FER: variants seen among roughly 807,000 people sequenced by gnomAD.
The protein encoded by FER is FER tyrosine kinase.
FER carries 63 observed loss-of-function variants against 111.0 expected under a neutral mutation model. The observed-to-expected ratio is 0.57, with a 90% CI of 0.46 to 0.70. The LOEUF is 0.70. Ranked by LOEUF, FER falls within the 30% of genes least tolerant of loss-of-function variation. The pLI is 0.00. For missense variants in FER, 914 were observed against 954.0 expected, an observed-to-expected ratio of 0.96 and a Z score of 0.55; for synonymous variants, 327 against 313.9, an observed-to-expected ratio of 1.04 and a Z score of -0.44.
At chr5:108,881,245 A>T (rs1005007387) in intron 8 of FER, among the ~76,000 whole-genome samples, 1 of 152,158 alleles carries the variant, frequency 6.6e-6, no homozygotes, top group African/African-American at 2.4e-5. Flanking sequence ...AAGACAAAGA[A>T]GTTTAATGGA....
At position 108,959,085 on chromosome 5, in the gene FER, G is replaced by T. The variant is rs138601564; in HGVS notation, c.1534-140G>T. ...TTTATCATCTTAACCATTTTTAAGGGTATAGTTCAGTAGTGTTAAGTATAT... is the reference window on the plus strand; with the variant it reads ...TTTATCATCTTAACCATTTTTAAGGTTATAGTTCAGTAGTGTTAAGTATAT... On this transcript the variant is annotated intron_variant, in intron 12 of 19. Coordinates refer to ENST00000281092, the MANE Select transcript of FER (RefSeq NM_005246.4). The T allele has an allele frequency of 2.6e-3, 1,498 of 585,776 alleles. 17 individuals carry two copies. The African/African-American group carries it at 0.028, about 11-fold the overall frequency. 36.3% of individuals were successfully genotyped at this position (585,776 alleles called of 1,614,324 possible).
At chr5:108,919,227 A>G (rs552435091) in intron 10 of FER, among the ~76,000 whole-genome samples, 1 of 148,566 alleles carries the variant, frequency 6.7e-6, no homozygotes, top group East Asian at 2.0e-4. Context: ...TTTTTTTTTT[A>G]AATCAGAGTT....
At chr5:108,976,656 G>A (rs1229062826) in intron 13 of FER, among the ~76,000 whole-genome samples, 1 of 152,112 alleles carries the variant, frequency 6.6e-6, no homozygotes, top group Admixed American at 6.5e-5. Flanking sequence ...TATTTTGTAT[G>A]CTATATGTCT....
intron 9 of FER, 102 bp from the exon 10 acceptor site, chr5:108,897,557 T>A: frequency 2.4e-6 from 2 of 825,184 alleles, no homozygotes; most frequent in Non-Finnish European, 3.5e-6. Flanking sequence ...TCTAAAGGGC[T>A]CTTATAAAAA....
chr5:108,833,746 C>T (rs2113000), intron 4 of FER, among the ~76,000 whole-genome samples: 1,722 of 151,802 alleles, frequency 0.011, 21 homozygotes, highest in Non-Finnish European at 0.018. Flanking sequence ...TACTGGCGGG[C>T]GCCTGTAGTC....
At chr5:108,802,129 G>A (rs985422280) in intron 3 of FER, among the ~76,000 whole-genome samples, 1 of 151,900 alleles carries the variant, frequency 6.6e-6, no homozygotes, top group African/African-American at 2.4e-5. Context: ...CAGATTAAGG[G>A]GTACTACTGA....
intron 5 of FER, among the ~76,000 whole-genome samples, chr5:108,850,496 G>A (rs530945324): frequency 9.3e-4 from 141 of 152,020 alleles, no homozygotes; most frequent in African/African-American, 2.8e-3. Flanking sequence ...GTAATTTGTC[G>A]TTGTGCTTGA....
intron 10 of FER, among the ~76,000 whole-genome samples, chr5:108,921,775 G>A (rs1316448673): frequency 6.6e-6 from 1 of 152,084 alleles, no homozygotes; most frequent in Admixed American, 6.5e-5. Flanking sequence ...CCAACAACAG[G>A]TTTAAAATCA....
chr5:109,127,205 T>C (rs367717704), intron 17 of FER, among the ~76,000 whole-genome samples: 1 of 152,214 alleles, frequency 6.6e-6, no homozygotes, highest in African/African-American at 2.4e-5. Context: ...TATATCTGTA[T>C]TGAATACCAA....
At chr5:108,917,367 A>G (rs2149542292) in intron 10 of FER, among the ~76,000 whole-genome samples, 1 of 152,300 alleles carries the variant, frequency 6.6e-6, no homozygotes, top group South Asian at 2.1e-4. Flanking sequence ...ATAATTTGGT[A>G]TATGGGGAGT....
intron 16 of FER, among the ~76,000 whole-genome samples, chr5:109,069,957 G>A (rs1476856303): frequency 6.6e-6 from 1 of 152,028 alleles, no homozygotes; most frequent in Non-Finnish European, 1.5e-5. Context: ...CCACACATAA[G>A]CTTAGACTAT....
chr5:108,900,543 T>C lies in FER; in HGVS notation c.1236+2695T>C, dbSNP rs1749858057. Among the ~76,000 whole-genome samples, 3 of 152,202 alleles carry C rather than the reference T, an allele frequency of 2.0e-5. No homozygotes were observed. The South Asian group carries it at 6.2e-4, about 32-fold the overall frequency. ...TTTCAATAAGAGACTTATTTGAATA[T>C]TGGAAGAATTGGAAGAACTCAAAAT... On this transcript the variant is annotated intron_variant, in intron 10 of 19. Coordinates refer to ENST00000281092, the MANE Select transcript of FER (RefSeq NM_005246.4).
In FER at chr5:109,051,446, C is replaced by T. The variant is rs1465493458; in HGVS notation, c.1924+4248C>T. On this transcript the variant is annotated intron_variant, in intron 16 of 19. Coordinates refer to ENST00000281092, the MANE Select transcript of FER (RefSeq NM_005246.4). ...AGTTTTTTAGAATTCTGGTTATCAT[C>T]GGGGAAATCAAAAGGCTGTGCGTGG... 1.9e-5 allele frequency: 31 copies of T among 1,612,948 alleles called. 1 individual carries two copies. Among genetic ancestry groups the T allele is most frequent in the Middle Eastern group, 1.6e-4 (1 of 6,076 alleles).
chr5:108,957,182 C>A (rs992689851), intron 12 of FER, among the ~76,000 whole-genome samples: 3 of 151,442 alleles, frequency 2.0e-5, no homozygotes, highest in Non-Finnish European at 4.4e-5. Flanking sequence ...ACATACTTTG[C>A]AGGACGTGAA....
At chr5:109,093,357 C>A (rs544251330) in intron 16 of FER, among the ~76,000 whole-genome samples, 1 of 152,096 alleles carries the variant, frequency 6.6e-6, no homozygotes, top group Non-Finnish European at 1.5e-5. Context: ...GTGTTCTTTA[C>A]AAGTATTATT....
At chr5:108,834,997 A>C (rs1349683036) in intron 4 of FER, among the ~76,000 whole-genome samples, 1 of 152,152 alleles carries the variant, frequency 6.6e-6, no homozygotes, top group Non-Finnish European at 1.5e-5. Flanking sequence ...AATATCTGGG[A>C]CACATATTTT....
chr5:108,971,448 A>C lies in FER; in HGVS notation c.1656+12101A>C, dbSNP rs922452060. Among the ~76,000 whole-genome samples the C allele has an allele frequency of 1.1e-3, 169 of 152,284 alleles. 1 individual carries two copies. Among genetic ancestry groups the C allele is most frequent in the African/African-American group, 4.0e-3 (166 of 41,584 alleles). ...AGCTGTAAGCTTCCTGGAAGCTGTTACAGAAAAGGAGTTAGCTAATTTCAT... is the reference window on the plus strand; with the variant it reads ...AGCTGTAAGCTTCCTGGAAGCTGTTCCAGAAAAGGAGTTAGCTAATTTCAT... On this transcript the variant is annotated intron_variant, in intron 13 of 19. Coordinates refer to ENST00000281092, the MANE Select transcript of FER (RefSeq NM_005246.4).
chr5:109,082,484 C>T (rs940237563), intron 16 of FER, among the ~76,000 whole-genome samples: 1 of 151,974 alleles, frequency 6.6e-6, no homozygotes, highest in Non-Finnish European at 1.5e-5. Context: ...ACTTATAGTA[C>T]GTTGTTGGGA....
chr5:108,758,853 C>T (rs978842898), intron 1 of FER, among the ~76,000 whole-genome samples: 6 of 152,112 alleles, frequency 3.9e-5, no homozygotes, highest in Admixed American at 2.6e-4. Context: ...GTGAGCAAAA[C>T]GCATTTACTA....
Sources: allele counts gnomAD v4.1 joint callset (sites outside exome capture counted in the v4.1 genomes callset), GRCh38; gene constraint gnomAD v4.1.1; transcripts MANE v1.5; gene names NCBI Gene and HGNC (gene_info 2026-07-23, HGNC 2026-07-21).